SYT10: variants seen among roughly 807,000 people sequenced by gnomAD.
SYT10 encodes the protein synaptotagmin 10.
In SYT10, 31 loss-of-function variants were observed where a neutral mutation model predicts 51.1. The ratio of observed to expected loss-of-function variants is 0.61; its 90% confidence interval spans 0.46 to 0.82. The LOEUF (loss-of-function observed/expected upper bound fraction) is 0.82. SYT10 is among the 40% of genes least tolerant of loss of function. SYT10 has a pLI of 0.00. For synonymous variants in SYT10, 233 were observed against 225.9 expected (o/e 1.03, Z -0.28); for missense variants, 603 against 634.0 (o/e 0.95, Z 0.53).
intron 1 of SYT10, among the ~76,000 whole-genome samples, chr12:33,436,714 A>AT (rs1253188875): frequency 1.3e-5 from 2 of 152,328 alleles, no homozygotes; most frequent in Admixed American, 1.3e-4. Flanking sequence ...ATGTAGAATG[A>AT]TTTTAACTGG....
At chr12:33,439,287 G>T in intron 1 of SYT10, 85 bp downstream of exon 1, 1 of 1,487,734 alleles carries the variant, frequency 6.7e-7, no homozygotes, top group Non-Finnish European at 9.0e-7. Flanking sequence ...GGAGCGGCGC[G>T]GGAGGCGCAG....
chr12:33,414,258 A>G (rs1866434683), intron 2 of SYT10, among the ~76,000 whole-genome samples: 1 of 152,202 alleles, frequency 6.6e-6, no homozygotes, highest in South Asian at 2.1e-4. Flanking sequence ...CCGCACTGTC[A>G]ACATCAGACA....
intron 3 of SYT10, chr12:33,405,928 T>C (rs1233226014): frequency 2.0e-5 from 3 of 151,272 alleles, no homozygotes; most frequent in African/African-American, 7.3e-5. Context: ...CTAACTTAAG[T>C]GTCTAACAGT....
At position 33,439,005 on chromosome 12, in the gene SYT10, C is replaced by T; in HGVS notation, c.151+367G>A. The stretch of plus-strand genomic sequence containing the variant: ...CCCACAGGTGAGCCGCCCCCACAAG[C>T]AGCCAAGCCGCGAGCCGTCCCGGCG... On this transcript the variant is annotated intron_variant, in intron 1 of 6. Transcript: ENST00000228567. 1.3e-5 allele frequency among the ~76,000 whole-genome samples: 2 copies of T among 152,242 alleles called. 1 individual carries two copies. The highest frequency in any genetic ancestry group is 4.1e-4 in the South Asian group (2 of 4,834).
In SYT10 at chr12:33,382,397, T is replaced by C; in HGVS notation, c.1322A>G (p.Glu441Gly). ...NEAIIFDIPP[E>G]NVDQVSLSIA... ...GGAGAGGCTGACCTGGTCCACGTTC[T>C]CTGGAGGGATGTCAAAAATAATGGC... Residue 441 changes from glutamate to glycine, a missense_variant, in exon 5 of 7, where the codon GAG (glutamate) becomes GGG (glycine). Glu to Gly is a moderately conservative substitution (Grantham distance 98). Coordinates refer to ENST00000228567, the MANE Select transcript of SYT10 (RefSeq NM_198992.4). 1 of 1,613,028 alleles carries C rather than the reference T, an allele frequency of 6.2e-7. No homozygotes were observed. Among genetic ancestry groups the C allele is most frequent in the Non-Finnish European group, 8.5e-7 (1 of 1,179,440 alleles).
intron 1 of SYT10, among the ~76,000 whole-genome samples, chr12:33,427,534 G>A (rs1866563000): frequency 6.6e-6 from 1 of 152,110 alleles, no homozygotes; most frequent in African/African-American, 2.4e-5. Flanking sequence ...AGGCATGGGA[G>A]AAAGAGAATT....
rs560234594 is a variant in SYT10 at position 33,406,711 on chromosome 12, C to T, written c.1077+78G>A. 2.3e-5 allele frequency: 28 copies of T among 1,236,722 alleles called. No individual in the cohort carries two copies. In the Admixed American group the frequency reaches 2.4e-4, roughly 11 times the overall value. 76.6% of individuals were successfully genotyped at this position (1,236,722 alleles called of 1,614,324 possible). The stretch of plus-strand genomic sequence containing the variant: ...TTCCATAACTCTGCAAGGCTTATTC[C>T]GATAATTTGGGTAATAATTAGTCAC... On this transcript the variant is annotated intron_variant, in intron 3 of 6. Coordinates refer to ENST00000228567, the MANE Select transcript of SYT10 (RefSeq NM_198992.4).
intron 1 of SYT10, 146 bp downstream of exon 1, chr12:33,439,226 G>T: frequency 1.9e-6 from 2 of 1,061,224 alleles, no homozygotes; most frequent in Non-Finnish European, 2.7e-6. Context: ...GTCAGGAGCT[G>T]AGCGAAGGAA....
intron 2 of SYT10, among the ~76,000 whole-genome samples, chr12:33,417,511 T>C (rs1442537833): frequency 2.6e-5 from 4 of 152,234 alleles, no homozygotes; most frequent in African/African-American, 4.8e-5. Flanking sequence ...ATTTTCTTTA[T>C]AAATGATCCA....
intron 1 of SYT10, among the ~76,000 whole-genome samples, chr12:33,437,077 C>A (rs1866643460): frequency 6.6e-6 from 1 of 152,048 alleles, no homozygotes; most frequent in Non-Finnish European, 1.5e-5. Flanking sequence ...TTTAAATCCA[C>A]TTCATAGATA....
intron 1 of SYT10, among the ~76,000 whole-genome samples, chr12:33,428,815 A>C (rs918341712): frequency 6.6e-6 from 1 of 150,866 alleles, no homozygotes; most frequent in African/African-American, 2.4e-5. Flanking sequence ...CTGAGGCAGG[A>C]GAATGGCGTG....
chr12:33,439,524 G>C lies in SYT10; in HGVS notation c.-2C>G, dbSNP rs1331871793. Reference sequence around the variant, plus strand: ...TCCGTCCTCCTTGTGGAAACTCATCGTTTGGCTTTTCTTTCGTTTTCTCTT... The same window carrying C: ...TCCGTCCTCCTTGTGGAAACTCATCCTTTGGCTTTTCTTTCGTTTTCTCTT... On this transcript the variant is annotated 5_prime_UTR_variant, in exon 1 of 7. Coordinates refer to ENST00000228567, the MANE Select transcript of SYT10 (RefSeq NM_198992.4). 3 of 1,612,114 alleles carry C rather than the reference G, an allele frequency of 1.9e-6. No homozygotes were observed. The highest frequency in any genetic ancestry group is 1.1e-5 in the South Asian group (1 of 90,932).
chr12:33,412,422 C>G (rs1179127841), intron 2 of SYT10, among the ~76,000 whole-genome samples: 1 of 146,042 alleles, frequency 6.8e-6, no homozygotes, highest in Non-Finnish European at 1.5e-5. Flanking sequence ...TTTTTTTTCT[C>G]TTTTAGAATG....
rs58610962 is a variant in SYT10 at position 33,422,089 on chromosome 12, TA to T, written c.509+4048del. On this transcript the variant is annotated intron_variant, in intron 2 of 6. Coordinates refer to ENST00000228567, the MANE Select transcript of SYT10 (RefSeq NM_198992.4). ...GTTAAGGCATCAAAACTTAAAGTAT[TA>T]AAAAAAAAAACTTAAAAAAAAAGCA... 2.1e-3 allele frequency among the ~76,000 whole-genome samples: 313 copies of T among 146,176 alleles called. 4 individuals carry two copies. The highest frequency in any genetic ancestry group is 0.012 in the East Asian group (58 of 5,008).
intron 3 of SYT10, chr12:33,405,747 G>A (rs767679748): frequency 5.9e-5 from 9 of 151,630 alleles, no homozygotes; most frequent in African/African-American, 2.2e-4. Context: ...AAAACAACCT[G>A]ATGGTAAAAA....
rs1443012805 is a variant in SYT10, at chr12:33,378,874, GTGTC to G, written c.1500+954_1500+957del. ...TTTGTAGATGCATTTGTGTGTGTGT[GTGTC>G]TGTCTTTTATGATTTATACTAAATT... On this transcript the variant is annotated intron_variant, in intron 6 of 6. Transcript: ENST00000228567. 5.3e-5 allele frequency among the ~76,000 whole-genome samples: 8 copies of G among 151,504 alleles called. No individual in the cohort carries two copies. In the East Asian group the frequency reaches 5.8e-4, roughly 11 times the overall value.
rs540568229 is a variant in SYT10 at position 33,385,602 on chromosome 12, G to A, written c.1078-311C>T. On this transcript the variant is annotated intron_variant, in intron 3 of 6. Coordinates refer to ENST00000228567, the MANE Select transcript of SYT10 (RefSeq NM_198992.4). ...TCAGTGTTTCCGCAATCAACAAACG[G>A]CATCATAATTCACCCAAAGGCTGAA... Among the ~76,000 whole-genome samples the A allele has an allele frequency of 3.3e-5, 5 of 152,208 alleles. 1 individual carries two copies. The South Asian group carries it at 1.0e-3, about 32-fold the overall frequency.
chr12:33,407,075 G>A lies in SYT10; in HGVS notation c.791C>T (p.Thr264Ile), dbSNP rs1866361116. The change falls in exon 3 of 7, where the codon ACA (threonine) becomes ATA (isoleucine). Residue 264 changes from threonine to isoleucine, a missense_variant. Physicochemically the swap from Thr to Ile is moderately conservative, Grantham distance 89 (BLOSUM62 -1). Transcript: ENST00000228567. ...KALDLPAKDFTGTSDPYVKMY... is the reference protein window; with the variant it reads ...KALDLPAKDFIGTSDPYVKMY... ...CTTCACATAAGGGTCAGAAGTTCCT[G>A]TGAAGTCTTTAGCAGGGAGATCTAA... 1 of 1,614,120 alleles carries A rather than the reference G, an allele frequency of 6.2e-7. No individual in the cohort carries two copies. The highest frequency in any genetic ancestry group is 2.2e-5 in the East Asian group (1 of 44,892).
In SYT10 at chr12:33,375,368, G is replaced by A. The variant is rs1278109904; in HGVS notation, c.*1462C>T. 3.3e-5 allele frequency: 5 copies of A among 151,554 alleles called. No individual in the cohort carries two copies. The highest frequency in any genetic ancestry group is 1.9e-4 in the East Asian group (1 of 5,162). 9.4% of individuals were successfully genotyped at this position (151,554 alleles called of 1,614,324 possible). A position where few individuals can be genotyped will look rare whatever the true frequency, so the allele number is the denominator to read the frequency against. On this transcript the variant is annotated 3_prime_UTR_variant, in exon 7 of 7. Transcript: ENST00000228567. The stretch of plus-strand genomic sequence containing the variant: ...TTACAAAAATAAAAATTTCATAACC[G>A]CTGATAAAATTTTCTCATCCAGGTA...
Sources: allele counts gnomAD v4.1 joint callset (sites outside exome capture counted in the v4.1 genomes callset), GRCh38; gene constraint gnomAD v4.1.1; transcripts MANE v1.5; gene names NCBI Gene and HGNC (gene_info 2026-07-23, HGNC 2026-07-21).